Variants in FRMPD4 observed in about 807,000 individuals in gnomAD.
FRMPD4 encodes the protein FERM and PDZ domain-containing protein 4.
Under a neutral mutation model 94.1 loss-of-function variants are expected in FRMPD4, and 22 were observed. The ratio of observed to expected loss-of-function variants is 0.23; its 90% CI spans 0.17 to 0.33. FRMPD4 has a LOEUF of 0.33. FRMPD4 is among the 10% of genes least tolerant of loss of function. The pLI, the probability that FRMPD4 is intolerant of heterozygous loss-of-function variation, is 1.00. For synonymous variants in FRMPD4, 631 were observed against 548.6 expected, an observed-to-expected ratio of 1.15 and a Z score of -2.10; for missense variants, 1,111 against 1,339.9, an observed-to-expected ratio of 0.83 and a Z score of 2.67.
chrX:11,993,133 T>A (rs946083037), intron 3 of FRMPD4, among the ~76,000 whole-genome samples: 3 of 111,021 alleles, frequency 2.7e-5, no homozygotes, highest in African/African-American at 9.8e-5. Context: ...TATTTTTATA[T>A]CTTTTTCTAA....
chrX:12,407,350 C>T lies in FRMPD4; in HGVS notation c.42-91330C>T, dbSNP rs137885080. Among the ~76,000 whole-genome samples, 1,012 of 111,746 alleles carry T rather than the reference C, an allele frequency of 9.1e-3. 8 individuals carry two copies. Among genetic ancestry groups the T allele is most frequent in the Non-Finnish European group, 0.015 (815 of 53,127 alleles). ...TCACATACTTTATTCTATTACTAGC[C>T]GTGGAACATGCCACAGAGCTTGCGC... On this transcript the variant is annotated intron_variant, in intron 1 of 16. Transcript: ENST00000675598.
intron 3 of FRMPD4, among the ~76,000 whole-genome samples, chrX:12,029,629 G>A (rs946758373): frequency 1.9e-4 from 21 of 111,434 alleles, no homozygotes; most frequent in Non-Finnish European, 3.6e-4. Context: ...GATCCATTTC[G>A]AGTTAATTTT....
intron 3 of FRMPD4, among the ~76,000 whole-genome samples, chrX:11,948,686 A>G (rs1284653273): frequency 9.0e-6 from 1 of 111,337 alleles, no homozygotes; most frequent in African/African-American, 3.3e-5. Context: ...ACATATTAGC[A>G]TCTGATTAGG....
At chrX:12,609,664 C>T in intron 2 of FRMPD4, 57 bp from the exon 3 acceptor site, 1 of 978,335 alleles carries the variant, frequency 1.0e-6, no homozygotes, top group Non-Finnish European at 1.4e-6. Context: ...GATTGCCAGG[C>T]CAATGCCTAA....
chrX:12,245,748 G>C (rs1159501823), intron 1 of FRMPD4, among the ~76,000 whole-genome samples: 3 of 109,593 alleles, frequency 2.7e-5, no homozygotes, highest in African/African-American at 1.0e-4. Context: ...TCTTAGGAGT[G>C]GGATCCTGAT....
intron 3 of FRMPD4, among the ~76,000 whole-genome samples, chrX:12,078,803 A>G (rs1435963655): frequency 9.0e-6 from 1 of 111,654 alleles, no homozygotes; most frequent in Non-Finnish European, 1.9e-5. Context: ...ACCACATACC[A>G]GTAGCACTCC....
chrX:12,219,632 G>C (rs1366159167), intron 1 of FRMPD4, among the ~76,000 whole-genome samples: 1 of 111,632 alleles, frequency 9.0e-6, no homozygotes, highest in Non-Finnish European at 1.9e-5. Flanking sequence ...TGGAATATCT[G>C]CATTTTAGTC....
At chrX:12,049,101 A>AT (rs1186000686) in intron 3 of FRMPD4, among the ~76,000 whole-genome samples, 2 of 110,916 alleles carry the variant, frequency 1.8e-5, no homozygotes, top group Admixed American at 9.6e-5. Context: ...AACAATATTG[A>AT]TTTTTTCAAT....
chrX:11,877,105 G>C, intron 2 of FRMPD4, among the ~76,000 whole-genome samples: 1 of 112,194 alleles, frequency 8.9e-6, no homozygotes, highest in Non-Finnish European at 1.9e-5. Flanking sequence ...ATTCCCTAGT[G>C]CCCTCTGTCT....
chrX:12,285,312 T>C (rs2054584746), intron 1 of FRMPD4, among the ~76,000 whole-genome samples: 1 of 112,073 alleles, frequency 8.9e-6, no homozygotes, highest in African/African-American at 3.2e-5. Context: ...ATTTTTTAAA[T>C]GTAATATTTG....
chrX:11,845,434 G>C (rs1047040840), intron 1 of FRMPD4, among the ~76,000 whole-genome samples: 1 of 110,728 alleles, frequency 9.0e-6, no homozygotes, highest in Non-Finnish European at 1.9e-5. Flanking sequence ...ATTCACAGCC[G>C]AATTCTACCA....
intron 3 of FRMPD4, among the ~76,000 whole-genome samples, chrX:12,006,119 C>G (rs1036174864): frequency 2.1e-4 from 23 of 111,924 alleles, no homozygotes; most frequent in Non-Finnish European, 3.4e-4. Flanking sequence ...TCCCTACATC[C>G]AATATCCAAA....
At chrX:12,683,093 A>G (rs1019894700) in intron 5 of FRMPD4, among the ~76,000 whole-genome samples, 1 of 112,236 alleles carries the variant, frequency 8.9e-6, no homozygotes, top group African/African-American at 3.2e-5. Context: ...CCACCTCATT[A>G]AAATAGATGA....
Position 12,254,919 on chromosome X carries a change from T to G in FRMPD4, c.41+115907T>G, listed in dbSNP as rs755315393. 3.6e-5 allele frequency among the ~76,000 whole-genome samples: 4 copies of G among 110,290 alleles called. No individual in the cohort carries two copies. The East Asian group carries it at 1.1e-3, about 32-fold the overall frequency. On this transcript the variant is annotated intron_variant, in intron 1 of 16. Coordinates refer to ENST00000675598, the MANE Select transcript of FRMPD4 (RefSeq NM_001368397.1). Reference sequence around the variant, plus strand: ...CCCCTCACTCCATACAGCACAGAATTTGACATTTTCATAATCCCCACTTCA... The same window carrying G: ...CCCCTCACTCCATACAGCACAGAATGTGACATTTTCATAATCCCCACTTCA...
intron 11 of FRMPD4, among the ~76,000 whole-genome samples, chrX:12,706,543 G>A (rs1430217437): frequency 9.0e-6 from 1 of 111,620 alleles, no homozygotes; most frequent in Non-Finnish European, 1.9e-5. Flanking sequence ...TTATGGTCTT[G>A]TTCTCACTTG....
At chrX:12,530,193 C>G (rs1210239349) in intron 2 of FRMPD4, among the ~76,000 whole-genome samples, 1 of 111,717 alleles carries the variant, frequency 9.0e-6, no homozygotes. Context: ...GTAGAAACAG[C>G]TTTCCAAGTG....
chrX:12,350,686 G>A (rs1183866468), intron 1 of FRMPD4, among the ~76,000 whole-genome samples: 1 of 112,646 alleles, frequency 8.9e-6, no homozygotes, highest in African/African-American at 3.2e-5. Flanking sequence ...TCAAGAGACA[G>A]GAAATGAAAA....
intron 1 of FRMPD4, among the ~76,000 whole-genome samples, chrX:12,380,384 T>C (rs1319260179): frequency 1.8e-5 from 2 of 112,382 alleles, no homozygotes; most frequent in Non-Finnish European, 3.8e-5. Context: ...AGAGGACTCA[T>C]ACCAGTTTTT....
At chrX:12,702,272 C>G (rs965598948) in intron 10 of FRMPD4, among the ~76,000 whole-genome samples, 13 of 112,177 alleles carry the variant, frequency 1.2e-4, no homozygotes, top group African/African-American at 3.9e-4. Flanking sequence ...GATTCCAAGC[C>G]AAGCTTTGGT....
Sources: allele counts gnomAD v4.1 joint callset (sites outside exome capture counted in the v4.1 genomes callset), GRCh38; gene constraint gnomAD v4.1.1; transcripts MANE v1.5; gene names NCBI Gene and HGNC (gene_info 2026-07-23, HGNC 2026-07-21).